Variants in NSUN6 observed in about 807,000 individuals in gnomAD.
NSUN6 encodes NOP2/Sun RNA methyltransferase 6.
Under a neutral mutation model 58.0 loss-of-function variants are expected in NSUN6, and 64 were observed. The observed-to-expected ratio is 1.10, with a 90% confidence interval of 0.90 to 1.36. The LOEUF (loss-of-function observed/expected upper bound fraction) is 1.36, where lower values mean the gene tolerates loss of function less well. Among genes scored for constraint, NSUN6 ranks in the 40% most tolerant of loss-of-function variants. The probability of loss-of-function intolerance (pLI) is 0.00; values close to 1 mark genes in which losing one functional copy is unlikely to be tolerated. For synonymous variants in NSUN6, 231 were observed against 193.9 expected (o/e 1.19, Z -1.59); for missense variants, 701 against 550.1 (o/e 1.27, Z -2.74).
At chr10:18,577,500 G>A (rs1405513756) in intron 8 of NSUN6, among the ~76,000 whole-genome samples, 1 of 152,126 alleles carries the variant, frequency 6.6e-6, no homozygotes, top group Non-Finnish European at 1.5e-5. Context: ...GAGGCTCATA[G>A]AAATGGCACT....
At chr10:18,652,044 G>C, upstream of NSUN6, 11 of 985,280 alleles carry the variant, frequency 1.1e-5, no homozygotes, top group East Asian at 2.3e-4. Flanking sequence ...TCTGACTTCA[G>C]TTGTGAAGTT....
At chr10:18,547,591 C>T (rs1489502549) in intron 10 of NSUN6, among the ~76,000 whole-genome samples, 1 of 152,100 alleles carries the variant, frequency 6.6e-6, no homozygotes, top group Non-Finnish European at 1.5e-5. Context: ...AAGACCATAA[C>T]ATAAAGAGTT....
intron 8 of NSUN6, among the ~76,000 whole-genome samples, chr10:18,575,051 G>A (rs564356267): frequency 2.6e-5 from 4 of 152,122 alleles, no homozygotes; most frequent in African/African-American, 4.8e-5. Context: ...AAAAATAGGC[G>A]CTAAAGAGAA....
chr10:18,554,951 A>AATGC (rs1564706863), intron 8 of NSUN6, among the ~76,000 whole-genome samples: 2 of 112,528 alleles, frequency 1.8e-5, no homozygotes, highest in African/African-American at 3.1e-5. Flanking sequence ...GAATGGAATG[A>AATGC]AATGAAATGG....
At chr10:18,623,700 C>A (rs2058688510) in intron 3 of NSUN6, among the ~76,000 whole-genome samples, 2 of 152,150 alleles carry the variant, frequency 1.3e-5, no homozygotes, top group Non-Finnish European at 1.5e-5. Context: ...CAAAAAGCAG[C>A]CCAGGAAAGA....
At chr10:18,586,627 C>T (rs1019312280) in intron 7 of NSUN6, among the ~76,000 whole-genome samples, 8 of 151,994 alleles carry the variant, frequency 5.3e-5, no homozygotes, top group South Asian at 4.2e-4. Context: ...TTCGTGGTCT[C>T]GCTGACTTCA....
At chr10:18,642,778 T>A (rs888649093) in intron 2 of NSUN6, among the ~76,000 whole-genome samples, 1 of 152,224 alleles carries the variant, frequency 6.6e-6, no homozygotes, top group East Asian at 1.9e-4. Context: ...AGACTCAATT[T>A]TGCTTACTAT....
At position 18,586,064 on chromosome 10, in the gene NSUN6, G is replaced by T; in HGVS notation, c.807C>A (p.Phe269Leu). The T allele has an allele frequency of 1.2e-6, 2 of 1,605,864 alleles. No individual in the cohort carries two copies. Among genetic ancestry groups the T allele is most frequent in the Non-Finnish European group, 1.7e-6 (2 of 1,176,458 alleles). ...QGEVIALDKI[F>L]NKVEKIKQNA... ...TCTGTTTGATTTTTTCTACTTTGTT[G>T]AAGATTTTATCCAGTGCTATAACTT... Residue 269 changes from phenylalanine (F) to leucine (L), a missense_variant, in exon 8 of 11, where the codon TTC becomes TTA. Transcript: ENST00000377304.
chr10:18,651,617 G>C (rs940379163), upstream of NSUN6: 4 of 986,400 alleles, frequency 4.1e-6, no homozygotes, highest in African/African-American at 1.7e-5. Flanking sequence ...CCTATTTCTC[G>C]GCGGAAAGTC....
In NSUN6 at chr10:18,551,737, A is replaced by C. The variant is rs1247184455; in HGVS notation, c.1071+86T>G. ...TCCCACCTTTTGGCTATTGTAATGA[A>C]CGCTGCTATGGAGATTGCTGTCAGT... On this transcript the variant is annotated intron_variant, in intron 9 of 10. Coordinates refer to ENST00000377304, the MANE Select transcript of NSUN6 (RefSeq NM_182543.5). The C allele has an allele frequency of 8.7e-6, 10 of 1,143,832 alleles. No individual in the cohort carries two copies. The East Asian group carries it at 2.4e-4, about 27-fold the overall frequency. 70.9% of individuals were successfully genotyped at this position (1,143,832 alleles called of 1,614,324 possible).
At chr10:18,581,028 C>G (rs925038126) in intron 8 of NSUN6, among the ~76,000 whole-genome samples, 1 of 152,104 alleles carries the variant, frequency 6.6e-6, no homozygotes, top group Admixed American at 6.5e-5. Flanking sequence ...ATGGTCTGAC[C>G]TTCTGACTTG....
intron 8 of NSUN6, among the ~76,000 whole-genome samples, chr10:18,558,080 G>GA: frequency 6.6e-6 from 1 of 150,986 alleles, no homozygotes; most frequent in South Asian, 2.1e-4. Flanking sequence ...AGAATGGAAT[G>GA]GAATGAAGAA....
chr10:18,645,280 C>T (rs562887185), intron 2 of NSUN6, among the ~76,000 whole-genome samples: 1 of 151,818 alleles, frequency 6.6e-6, no homozygotes, highest in East Asian at 1.9e-4. Context: ...GATAGTGACA[C>T]CTTTGCTTTC....
At chr10:18,593,987 G>T (rs1373520173) in intron 7 of NSUN6, among the ~76,000 whole-genome samples, 1 of 151,864 alleles carries the variant, frequency 6.6e-6, no homozygotes, top group African/African-American at 2.4e-5. Flanking sequence ...ATCACTTGAG[G>T]CCAGGAGTTT....
intron 3 of NSUN6, among the ~76,000 whole-genome samples, chr10:18,636,753 G>A (rs181607856): frequency 1.8e-4 from 27 of 151,884 alleles, no homozygotes; most frequent in Admixed American, 9.8e-4. Context: ...TTAGTCGGGC[G>A]TGGTGGCACA....
chr10:18,611,571 G>A lies in NSUN6; in HGVS notation c.576-1645C>T, dbSNP rs190921733. ...CAGACACAGGGTCTCACTCTGTCAC[G>A]CAGGCTGGAGCGCAGTGGCACAATC... On this transcript the variant is annotated intron_variant, in intron 5 of 10. Transcript: ENST00000377304. 8.4e-4 allele frequency among the ~76,000 whole-genome samples: 128 copies of A among 152,072 alleles called. 2 individuals are homozygous for A. Among genetic ancestry groups the A allele is most frequent in the African/African-American group, 2.8e-3 (117 of 41,466 alleles).
intron 5 of NSUN6, among the ~76,000 whole-genome samples, chr10:18,610,758 C>T (rs1421082181): frequency 2.0e-5 from 3 of 152,132 alleles, no homozygotes; most frequent in Non-Finnish European, 4.4e-5. Flanking sequence ...AGAAAGAACA[C>T]GCAAATCCTG....
At chr10:18,654,285 G>C (rs1304218009), upstream of NSUN6, among the ~76,000 whole-genome samples, 1 of 152,044 alleles carries the variant, frequency 6.6e-6, no homozygotes, top group Non-Finnish European at 1.5e-5. Flanking sequence ...TTTCTATCTA[G>C]TCCTCCCTTT....
At chr10:18,575,733 A>G (rs1192509382) in intron 8 of NSUN6, among the ~76,000 whole-genome samples, 3 of 152,180 alleles carry the variant, frequency 2.0e-5, no homozygotes, top group Admixed American at 1.3e-4. Flanking sequence ...CACCACGGAA[A>G]GATACTGGTC....
Sources: allele counts gnomAD v4.1 joint callset (sites outside exome capture counted in the v4.1 genomes callset), GRCh38; gene constraint gnomAD v4.1.1; transcripts MANE v1.5; gene names NCBI Gene and HGNC (gene_info 2026-07-23, HGNC 2026-07-21).